Variants in MICAL2 observed in about 807,000 individuals in gnomAD.
MICAL2 encodes the protein [F-actin]-monooxygenase MICAL2.
A neutral mutation model predicts 127.3 loss-of-function variants in MICAL2; 77 were observed. The observed-to-expected ratio is 0.60, with a 90% CI of 0.50 to 0.73. The LOEUF is 0.73. Among genes scored for constraint, MICAL2 ranks in the 30% least tolerant of loss-of-function variants. The pLI, the probability that MICAL2 is intolerant of heterozygous loss-of-function variation, is 0.00. For missense variants in MICAL2, 1,351 were observed against 1,434.4 expected (o/e 0.94, Z 0.94); for synonymous variants, 570 against 551.1 (o/e 1.03, Z -0.48).
downstream of MICAL2, among the ~76,000 whole-genome samples, chr11:12,290,152 G>T (rs896946123): frequency 5.9e-5 from 9 of 152,222 alleles, no homozygotes; most frequent in Non-Finnish European, 1.2e-4. Flanking sequence ...GGGACAAGGG[G>T]CTCGGCCTGA....
chr11:12,157,184 C>T (rs1854280918), intron 2 of MICAL2, among the ~76,000 whole-genome samples: 1 of 152,186 alleles, frequency 6.6e-6, no homozygotes, highest in African/African-American at 2.4e-5. Flanking sequence ...CCTGGTTGCA[C>T]TGTCTGATAT....
At chr11:12,316,963 G>T (rs145228005) in intron 29 of MICAL2, among the ~76,000 whole-genome samples, 197 of 152,230 alleles carry the variant, frequency 1.3e-3, no homozygotes, top group African/African-American at 4.0e-3. Context: ...CCCTGGCTAG[G>T]TAGAACTTGA....
chr11:12,233,757 TG>T (rs1166505083), intron 15 of MICAL2, among the ~76,000 whole-genome samples: 3 of 152,234 alleles, frequency 2.0e-5, no homozygotes, highest in Non-Finnish European at 4.4e-5. Context: ...ATGTTCTCTT[TG>T]GGCACAGTAA....
chr11:12,306,405 C>G (rs756733238), intron 29 of MICAL2, among the ~76,000 whole-genome samples: 1 of 152,178 alleles, frequency 6.6e-6, no homozygotes, highest in Non-Finnish European at 1.5e-5. Flanking sequence ...ACTATATGGT[C>G]ATTTAGGTAG....
chr11:12,245,716 A>G (rs1270813978), intron 21 of MICAL2, among the ~76,000 whole-genome samples: 1 of 152,172 alleles, frequency 6.6e-6, no homozygotes, highest in East Asian at 1.9e-4. Context: ...CCTCAGTAAG[A>G]GTGGTTCTGG....
Position 12,165,023 on chromosome 11 carries a change from C to A in MICAL2, c.264+2604C>A, listed in dbSNP as rs933890514. ...GTGTGGTGGCAAGTGCCTGTAGTCC[C>A]AGCTACTCAGGAGGCTGAGGCAGGA... On this transcript the variant is annotated intron_variant, in intron 3 of 27. Coordinates refer to ENST00000683283, the MANE Select transcript of MICAL2 (RefSeq NM_001282663.2). Among the ~76,000 whole-genome samples the A allele has an allele frequency of 1.4e-3, 214 of 151,726 alleles. 3 individuals carry two copies. The highest frequency in any genetic ancestry group is 2.8e-4 in the Non-Finnish European group (19 of 67,928).
At chr11:12,214,467 C>G (rs1388184595) in intron 7 of MICAL2, among the ~76,000 whole-genome samples, 1 of 152,146 alleles carries the variant, frequency 6.6e-6, no homozygotes, top group African/African-American at 2.4e-5. Flanking sequence ...GTGTCACATT[C>G]CAAACATCAT....
At chr11:12,222,923 A>G (rs546502018) in intron 11 of MICAL2, among the ~76,000 whole-genome samples, 180 bp downstream of exon 11, 1 of 152,346 alleles carries the variant, frequency 6.6e-6, no homozygotes, top group Admixed American at 6.5e-5. Context: ...TCTAGCCCGC[A>G]GGACAGAACT....
intron 29 of MICAL2, among the ~76,000 whole-genome samples, chr11:12,304,604 C>T (rs1344410713): frequency 2.0e-5 from 3 of 151,448 alleles, no homozygotes; most frequent in African/African-American, 7.3e-5. Context: ...CATTGCACTC[C>T]AGCATGGGCA....
At chr11:12,265,774 C>T (rs1251725828), downstream of MICAL2, among the ~76,000 whole-genome samples, 1 of 152,112 alleles carries the variant, frequency 6.6e-6, no homozygotes, top group Non-Finnish European at 1.5e-5. Context: ...AAAAAGCAAG[C>T]ATTTACAAAA....
At chr11:12,204,213 G>A in intron 3 of MICAL2, 37 bp from the exon 4 acceptor site, 1 of 1,597,732 alleles carries the variant, frequency 6.3e-7, no homozygotes, top group Non-Finnish European at 8.6e-7. Flanking sequence ...TGATGCTAGA[G>A]GTTACCAAGA....
chr11:12,207,741 A>G (rs2134154906), intron 4 of MICAL2: 1 of 296,858 alleles, frequency 3.4e-6, no homozygotes, highest in Non-Finnish European at 6.2e-6. Context: ...ATGTGGGTCC[A>G]TGTTCTAGCT....
upstream of MICAL2, chr11:12,274,657 G>A (rs1177409226): frequency 6.6e-6 from 1 of 152,432 alleles, no homozygotes; most frequent in Non-Finnish European, 1.5e-5. Flanking sequence ...AGAAGGACGT[G>A]TGCCCAGAGT....
intron 8 of MICAL2, 113 bp downstream of exon 8, chr11:12,216,432 A>C (rs1031362904): frequency 3.7e-5 from 29 of 779,480 alleles, no homozygotes; most frequent in Non-Finnish European, 2.2e-5. Context: ...GGAGGGGGGA[A>C]GGTGCCACCA....
At chr11:12,114,959 C>T (rs575470273) in intron 1 of MICAL2, among the ~76,000 whole-genome samples, 2 of 152,234 alleles carry the variant, frequency 1.3e-5, no homozygotes, top group Admixed American at 6.5e-5. Flanking sequence ...TTGAATTCTG[C>T]CACAGGAATG....
chr11:12,330,900 AGTGTGTGTGTGTGT>A (rs200754218), intron 32 of MICAL2, among the ~76,000 whole-genome samples: 16,438 of 119,514 alleles, frequency 0.14, 1,167 homozygotes, highest in South Asian at 0.25. Flanking sequence ...AGAGAGAGAG[AGTGTGTGTGTGTGT>A]GTGTGTGTGT....
chr11:12,346,222 G>A (rs902133611), intron 32 of MICAL2, among the ~76,000 whole-genome samples: 1 of 152,180 alleles, frequency 6.6e-6, no homozygotes, highest in African/African-American at 2.4e-5. Context: ...CTGGCTCATG[G>A]CTGGACCAGA....
intron 1 of MICAL2, among the ~76,000 whole-genome samples, chr11:12,113,258 A>G (rs1411660720): frequency 6.6e-6 from 1 of 152,210 alleles, no homozygotes; most frequent in African/African-American, 2.4e-5. Flanking sequence ...CAGAAAGGTT[A>G]CAACTTGGCC....
intron 1 of MICAL2, among the ~76,000 whole-genome samples, chr11:12,117,265 A>G (rs1000527262): frequency 6.6e-6 from 1 of 152,176 alleles, no homozygotes; most frequent in African/African-American, 2.4e-5. Flanking sequence ...AAGGGGTTGG[A>G]CGGTGGTCCC....
Sources: gnomAD v4.1 joint callset for allele counts (sites outside exome capture counted in the v4.1 genomes callset) on GRCh38, gnomAD v4.1.1 for gene constraint, MANE v1.5 for transcripts, NCBI Gene and HGNC (gene_info 2026-07-23, HGNC 2026-07-21) for gene names.